DAB2IP: variants seen among roughly 807,000 people sequenced by gnomAD.
The protein encoded by DAB2IP is disabled homolog 2-interacting protein.
In DAB2IP, 28 loss-of-function variants were observed where a neutral mutation model predicts 107.2. That is an observed-to-expected ratio of 0.26 (90% CI 0.19 to 0.36). The LOEUF (loss-of-function observed/expected upper bound fraction) is 0.36, where lower values mean the gene tolerates loss of function less well. Among genes scored for constraint, DAB2IP ranks in the 10% least tolerant of loss-of-function variants. The pLI is 1.00. For missense variants in DAB2IP, 1,400 were observed against 1,644.7 expected, an observed-to-expected ratio of 0.85 and a Z score of 2.57; for synonymous variants, 755 against 706.4, an observed-to-expected ratio of 1.07 and a Z score of -1.09.
At chr9:121,710,140 C>T (rs1390061889) in intron 3 of DAB2IP, among the ~76,000 whole-genome samples, 1 of 152,216 alleles carries the variant, frequency 6.6e-6, no homozygotes, top group Non-Finnish European at 1.5e-5. Flanking sequence ...CAGTACTGCC[C>T]TCTCCCTATC....
At position 121,651,907 on chromosome 9, in the gene DAB2IP, C is replaced by T; in HGVS notation, c.124+8C>T. On this transcript the variant is annotated splice_region_variant and intron_variant, in intron 1 of 15. Transcript: ENST00000408936. This position sits in a 1 kb window ranked among gnomAD's most constrained non-coding sequence, Gnocchi z 5.1. ...GGACCCGGCCTGCCAGGGGTAGGCG[C>T]CACCCCGACCCCTGACCCCTAGACC... The T allele has an allele frequency of 7.2e-7, 1 of 1,381,718 alleles. No homozygotes were observed. The allele number at this position is 1,381,718 out of a possible 1,614,324, so 85.6% of individuals were successfully genotyped here.
At chr9:121,579,930 C>G (rs990393792) in intron 1 of DAB2IP, among the ~76,000 whole-genome samples, 1 of 152,178 alleles carries the variant, frequency 6.6e-6, no homozygotes, top group African/African-American at 2.4e-5. Flanking sequence ...GCACCTGGGT[C>G]GGGGGAAGGA....
upstream of DAB2IP, among the ~76,000 whole-genome samples, chr9:121,650,688 A>G (rs1432368507): frequency 6.6e-6 from 1 of 152,186 alleles, no homozygotes; most frequent in Non-Finnish European, 1.5e-5. Context: ...GAATATTGCT[A>G]AAGAGATAAG....
chr9:121,627,440 C>T (rs1283656734), intron 1 of DAB2IP, among the ~76,000 whole-genome samples: 1 of 150,884 alleles, frequency 6.6e-6, no homozygotes, highest in African/African-American at 2.4e-5. Flanking sequence ...TACATCTGTT[C>T]TTACACGCTT....
At chr9:121,700,601 T>TC (rs946966767) in intron 3 of DAB2IP, among the ~76,000 whole-genome samples, 19 of 152,178 alleles carry the variant, frequency 1.2e-4, no homozygotes, top group African/African-American at 4.1e-4. Context: ...GTCTCTCCCC[T>TC]CCCCCTTGGT....
chr9:121,638,194 T>G (rs1007648599), intron 1 of DAB2IP, among the ~76,000 whole-genome samples: 1 of 152,204 alleles, frequency 6.6e-6, no homozygotes, highest in African/African-American at 2.4e-5. Context: ...AGAAAAAAAT[T>G]GCATCTGTAC....
In DAB2IP at chr9:121,781,761, T is replaced by TTG. The variant is rs1210155448; in HGVS notation, c.3402+210_3402+211insTG. Among the ~76,000 whole-genome samples the TTG allele has an allele frequency of 1.8e-4, 27 of 152,276 alleles. 1 individual carries two copies. The highest frequency in any genetic ancestry group is 1.8e-3 in the Admixed American group (27 of 15,300). On this transcript the variant is annotated intron_variant, in intron 15 of 15. Transcript: ENST00000408936. ...GAAAGGAGAGAGGCAGCTCCTCCCC[T>TTG]GCCAGGGCTCTTGGCGGGCATTGTC...
At chr9:121,757,651 A>G (rs78038057) in intron 4 of DAB2IP, among the ~76,000 whole-genome samples, 3,962 of 152,132 alleles carry the variant, frequency 0.026, 243 homozygotes, top group African/African-American at 0.09. Flanking sequence ...CCTGGGGATG[A>G]CCTGTCCAGT....
At chr9:121,629,670 G>A (rs188966109) in intron 1 of DAB2IP, among the ~76,000 whole-genome samples, 33 of 152,274 alleles carry the variant, frequency 2.2e-4, no homozygotes, top group African/African-American at 7.9e-4. Flanking sequence ...GTCATTCCCT[G>A]GAGGCTTCTG....
rs558564221 is a variant in DAB2IP, at chr9:121,757,794, C to T, written c.516+628C>T. ...TGTTCCTGGGAGTTACTAATTGCTTCTGCAGTTATTCATATTGCTTCCTAC... is the reference window on the plus strand; with the variant it reads ...TGTTCCTGGGAGTTACTAATTGCTTTTGCAGTTATTCATATTGCTTCCTAC... On this transcript the variant is annotated intron_variant, in intron 4 of 15. Coordinates refer to ENST00000408936, the Ensembl canonical transcript of DAB2IP. Among the ~76,000 whole-genome samples, 22 of 150,788 alleles carry T rather than the reference C, an allele frequency of 1.5e-4. 2 individuals are homozygous for T. The highest frequency in any genetic ancestry group is 5.0e-4 in the African/African-American group (20 of 40,088).
At chr9:121,671,204 T>C (rs1015423752) in intron 1 of DAB2IP, among the ~76,000 whole-genome samples, 11 of 151,938 alleles carry the variant, frequency 7.2e-5, no homozygotes, top group African/African-American at 2.7e-4. Flanking sequence ...GGCATGGTGG[T>C]GCATGCCTGT....
intron 3 of DAB2IP, among the ~76,000 whole-genome samples, chr9:121,747,508 C>T (rs912496763): frequency 2.0e-5 from 3 of 152,100 alleles, no homozygotes; most frequent in Non-Finnish European, 4.4e-5. Flanking sequence ...CCATCACGCC[C>T]AGCTAATTTT....
chr9:121,781,697 G>C (rs1227716363), intron 15 of DAB2IP, 146 bp downstream of exon 15: 1 of 757,216 alleles, frequency 1.3e-6, no homozygotes, highest in Non-Finnish European at 2.1e-6. Flanking sequence ...AGTCAGACCT[G>C]TGGTCTTAGT....
At position 121,608,081 on chromosome 9, in the gene DAB2IP, G is replaced by A. The variant is rs966073191; in HGVS notation, c.40+40853G>A. Among the ~76,000 whole-genome samples, 4 of 152,348 alleles carry A rather than the reference G, an allele frequency of 2.6e-5. No individual in the cohort carries two copies. In the East Asian group the frequency reaches 7.7e-4, roughly 29 times the overall value. Reference sequence around the variant, plus strand: ...TGATAGGGATCTGCAGGGTGTGTGAGAGATTTGTTTTTCAGCCAGGATGTG... The same window carrying A: ...TGATAGGGATCTGCAGGGTGTGTGAAAGATTTGTTTTTCAGCCAGGATGTG... On this transcript the variant is annotated intron_variant, in intron 1 of 16. Coordinates refer to the DAB2IP transcript ENST00000259371.
At chr9:121,745,266 G>A (rs1832646050) in intron 3 of DAB2IP, among the ~76,000 whole-genome samples, 1 of 152,186 alleles carries the variant, frequency 6.6e-6, no homozygotes. Flanking sequence ...TGGGTGAGCA[G>A]GTACTTGAGA....
At chr9:121,622,088 A>C (rs943140706) in intron 1 of DAB2IP, among the ~76,000 whole-genome samples, 2 of 145,546 alleles carry the variant, frequency 1.4e-5, no homozygotes, top group Non-Finnish European at 3.0e-5. Context: ...TCCTGGGCTC[A>C]AGCGATTCTC....
intron 1 of DAB2IP, among the ~76,000 whole-genome samples, chr9:121,632,975 C>A (rs55864698): frequency 6.6e-6 from 1 of 152,150 alleles, no homozygotes; most frequent in Non-Finnish European, 1.5e-5. Context: ...TAGACCCTTT[C>A]GGGGGGCTCC....
chr9:121,567,356 G>A, intron 1 of DAB2IP: 1 of 1,406,518 alleles, frequency 7.1e-7, no homozygotes, highest in Non-Finnish European at 9.9e-7. Flanking sequence ...TCTGGTCTTG[G>A]GACCCATGGG....
chr9:121,626,689 G>A (rs888443687), intron 1 of DAB2IP, among the ~76,000 whole-genome samples: 19 of 152,046 alleles, frequency 1.2e-4, no homozygotes, highest in African/African-American at 4.1e-4. Flanking sequence ...CTCCCAAAGT[G>A]CTGGGATTAC....
Sources: gnomAD v4.1 joint callset for allele counts (sites outside exome capture counted in the v4.1 genomes callset) on GRCh38, gnomAD v4.1.1 for gene constraint, Gnocchi (gnomAD v3.1) non-coding constraint, MANE v1.5 for transcripts, NCBI Gene and HGNC (gene_info 2026-07-23, HGNC 2026-07-21) for gene names.